Variants in PLCH2 observed in about 807,000 individuals in gnomAD.
PLCH2 encodes 1-phosphatidylinositol 4,5-bisphosphate phosphodiesterase eta-2.
Under a neutral mutation model 134.7 loss-of-function variants are expected in PLCH2, and 98 were observed. That is an observed-to-expected ratio of 0.73 (90% CI 0.62 to 0.86). PLCH2 has a LOEUF of 0.86. Among genes scored for constraint, PLCH2 ranks in the 40% least tolerant of loss-of-function variants. PLCH2 has a pLI of 0.00. For missense variants in PLCH2, 1,994 were observed against 1,986.6 expected, an observed-to-expected ratio of 1.00 and a Z score of -0.07; for synonymous variants, 974 against 827.5, an observed-to-expected ratio of 1.18 and a Z score of -3.04.
At chr1:2,442,217 C>T (rs1639723898) in intron 2 of PLCH2, among the ~76,000 whole-genome samples, 1 of 152,166 alleles carries the variant, frequency 6.6e-6, no homozygotes, top group African/African-American at 2.4e-5. Context: ...AGGAAAGAAC[C>T]ATAGACACCA....
In PLCH2 at chr1:2,487,385, T is replaced by C. The variant is rs746721587; in HGVS notation, c.1114+9T>C. ...CTGCCGCTGCGTGGAGGGTAAGCCCTGGACCTTGGGTGACGGCCGTGGGCT... is the reference window on the plus strand; with the variant it reads ...CTGCCGCTGCGTGGAGGGTAAGCCCCGGACCTTGGGTGACGGCCGTGGGCT... On this transcript the variant is annotated intron_variant, in intron 7 of 21. Transcript: ENST00000378486. 3 of 1,609,526 alleles carry C rather than the reference T, an allele frequency of 1.9e-6. No individual in the cohort carries two copies. The South Asian group carries it at 3.3e-5, about 18-fold the overall frequency.
chr1:2,481,490 C>T (rs149944053), intron 4 of PLCH2, among the ~76,000 whole-genome samples: 1,671 of 152,340 alleles, frequency 0.011, 30 homozygotes, highest in African/African-American at 0.037. Context: ...TGCCAGGGCC[C>T]GGGCAGCAGG....
intron 2 of PLCH2, among the ~76,000 whole-genome samples, chr1:2,457,387 C>T (rs999169817): frequency 2.6e-5 from 4 of 152,154 alleles, no homozygotes; most frequent in Non-Finnish European, 5.9e-5. Flanking sequence ...TCCCAGTGGC[C>T]TCGTGGCCGT....
chr1:2,443,762 C>T (rs1265378937), intron 2 of PLCH2, among the ~76,000 whole-genome samples: 1 of 147,406 alleles, frequency 6.8e-6, no homozygotes, highest in Non-Finnish European at 1.5e-5. Context: ...TCGCGCGGCG[C>T]CTCCACGGGG....
upstream of PLCH2, among the ~76,000 whole-genome samples, chr1:2,463,195 T>C (rs1640904937): frequency 6.7e-6 from 1 of 148,440 alleles, no homozygotes; most frequent in South Asian, 2.1e-4. Flanking sequence ...AGTGCGACTG[T>C]TGTGGACCAG....
chr1:2,494,557 T>G, intron 11 of PLCH2: 2 of 515,106 alleles, frequency 3.9e-6, no homozygotes, highest in Non-Finnish European at 7.1e-6. Flanking sequence ...ACTTAACGAG[T>G]TTAAAACAAC....
At position 2,495,540 on chromosome 1, in the gene PLCH2, G is replaced by T; in HGVS notation, c.1805G>T (p.Gly602Val). Residue 602 changes from glycine to valine, a missense_variant, in exon 13 of 22, where the codon GGT (glycine) becomes GTT (valine). Physicochemically the swap from Gly to Val is moderately radical, Grantham distance 109. Around this residue, in one of 2 missense-constraint regions of PLCH2, gnomAD observed 1,094 missense variants for 1,234.3 expected, o/e 0.89. Transcript: ENST00000378486. ...KAASVEEGDE[G>V]QDSPGGQSRG... Reference sequence around the variant, plus strand: ...GCCAGCGTGGAGGAGGGAGATGAGGGTCAGGACTCCCCGGGAGGCCAGAGC... The same window carrying T: ...GCCAGCGTGGAGGAGGGAGATGAGGTTCAGGACTCCCCGGGAGGCCAGAGC... 6.4e-7 allele frequency: 1 copy of T among 1,551,480 alleles called. No homozygotes were observed. Among genetic ancestry groups the T allele is most frequent in the Non-Finnish European group, 8.7e-7 (1 of 1,147,026 alleles).
In PLCH2 at chr1:2,498,785, T is replaced by C; in HGVS notation, c.2391T>C (p.Pro797=). Residue 797 remains proline (P), a synonymous_variant, in exon 18 of 22, where the codon CCT becomes CCC. Transcript: ENST00000378486. The surrounding 1 kb of genome is among the most constrained non-coding windows in gnomAD (Gnocchi z 5.4). ...TGGAGGTGGAGATCATTGGGCTCCC[T>C]GTGGACTGCAGCAGGGAGCAGACCC... is the stretch of plus-strand genomic sequence containing the variant. The part of the protein sequence containing the change: ...PFVEVEIIGL[P]VDCSREQTRV... 1 of 1,611,470 alleles carries C rather than the reference T, an allele frequency of 6.2e-7. No individual in the cohort carries two copies. The highest frequency in any genetic ancestry group is 1.7e-5 in the Admixed American group (1 of 59,874).
chr1:2,487,086 C>G, intron 6 of PLCH2, 86 bp downstream of exon 6: 1 of 1,498,948 alleles, frequency 6.7e-7, no homozygotes, highest in Non-Finnish European at 9.1e-7. Flanking sequence ...GACAGGTGTT[C>G]TGTGTTCTGT....
chr1:2,471,814 A>G (rs1641336745), upstream of PLCH2, among the ~76,000 whole-genome samples: 1 of 152,138 alleles, frequency 6.6e-6, no homozygotes, highest in Admixed American at 6.5e-5. Context: ...GGGGCAGAAC[A>G]AAGTCAGGCC....
chr1:2,479,999 G>T, intron 3 of PLCH2, 22 bp downstream of exon 3: 2 of 1,598,628 alleles, frequency 1.3e-6, no homozygotes, highest in South Asian at 1.1e-5. Context: ...CACCTATCGG[G>T]CAATGCAGAC....
At chr1:2,420,507 C>T in the PLCH2 span, among the ~76,000 whole-genome samples, 3 of 152,244 alleles carry the variant, frequency 2.0e-5, no homozygotes, top group East Asian at 3.9e-4. Context: ...GAAAGAGCCC[C>T]GAGGGCTGGG....
chr1:2,502,879 G>T (rs1643315895), intron 21 of PLCH2: 2 of 717,204 alleles, frequency 2.8e-6, no homozygotes, highest in East Asian at 5.4e-5. Flanking sequence ...AGCTGGAGGA[G>T]ATCAGGAGTA....
At chr1:2,476,085 G>A (rs1477573660), upstream of PLCH2, among the ~76,000 whole-genome samples, 2 of 152,236 alleles carry the variant, frequency 1.3e-5, no homozygotes, top group Non-Finnish European at 2.9e-5. Flanking sequence ...GCGTTCTCTG[G>A]GTCCCAGGAG....
intron 21 of PLCH2, chr1:2,503,101 T>C (rs901421591): frequency 8.4e-5 from 58 of 692,926 alleles, no homozygotes; most frequent in African/African-American, 8.2e-4. Flanking sequence ...AGCCCTCCTG[T>C]CTGAGCTTGA....
upstream of PLCH2, among the ~76,000 whole-genome samples, chr1:2,466,792 C>T (rs1641076587): frequency 6.6e-6 from 1 of 152,190 alleles, no homozygotes; most frequent in South Asian, 2.1e-4. Flanking sequence ...AATGCTGGCT[C>T]GGAGAGGGAG....
In PLCH2 at chr1:2,488,826, T is replaced by C. The variant is rs150260610; in HGVS notation, c.1236-381T>C. On this transcript the variant is annotated intron_variant, in intron 8 of 21. Coordinates refer to ENST00000378486, the MANE Select transcript of PLCH2 (RefSeq NM_014638.4). The stretch of plus-strand genomic sequence containing the variant: ...AGTATCTAGGTCAAAAGGATTCTAT[T>C]TCCCAGCCTATCTATAGCTCCACAC... Among the ~76,000 whole-genome samples the C allele has an allele frequency of 1.2e-3, 181 of 152,340 alleles. 3 individuals carry two copies. In the East Asian group the frequency reaches 0.023, roughly 19 times the overall value.
rs773689454 is a variant in PLCH2 at position 2,505,198 on chromosome 1, C to T, written c.4236C>T (p.Val1412=). The T allele has an allele frequency of 1.3e-6, 2 of 1,570,582 alleles. No homozygotes were observed. The highest frequency in any genetic ancestry group is 2.2e-4 in the Middle Eastern group (1 of 4,586). Residue 1412 remains valine (V), a synonymous_variant, in exon 22 of 22, where the codon GTC becomes GTT. Coordinates refer to ENST00000378486, the MANE Select transcript of PLCH2 (RefSeq NM_014638.4). ...CATCCGCGGCTGCTGAAAACCTGGT[C>T]CTGCTCCGCCTCTGACCGTCAGTGG... The part of the protein sequence containing the change: ...GPASAAAENL[V]LLRL
chr1:2,504,709 C>G lies in PLCH2; in HGVS notation c.3747C>G (p.Pro1249=). ...CCCTGGTGGGCGTGCAGGACTGCCCCGTGGCTGCCAAGTCCAAGAGCCTGG... is the reference window on the plus strand; with the variant it reads ...CCCTGGTGGGCGTGCAGGACTGCCCGGTGGCTGCCAAGTCCAAGAGCCTGG... The part of the protein sequence containing the change: ...CLSLVGVQDC[P]VAAKSKSLGD... Residue 1249 remains proline (P), a synonymous_variant, in exon 22 of 22, where the codon CCC becomes CCG. Coordinates refer to ENST00000378486, the MANE Select transcript of PLCH2 (RefSeq NM_014638.4). 6.2e-7 allele frequency: 1 copy of G among 1,612,530 alleles called. No homozygotes were observed. The highest frequency in any genetic ancestry group is 8.5e-7 in the Non-Finnish European group (1 of 1,179,780).
Sources: allele counts gnomAD v4.1 joint callset (sites outside exome capture counted in the v4.1 genomes callset), GRCh38; gene constraint gnomAD v4.1.1; regional missense constraint gnomAD v4.1.1; non-coding constraint Gnocchi (gnomAD v3.1); transcripts MANE v1.5; gene names NCBI Gene and HGNC (gene_info 2026-07-23, HGNC 2026-07-21).